TRMT10B: variants seen among roughly 807,000 people sequenced by gnomAD.
TRMT10B encodes tRNA methyltransferase 10 homolog B.
TRMT10B carries 33 observed loss-of-function variants against 43.8 expected under a neutral mutation model. The ratio of observed to expected loss-of-function variants is 0.75; its 90% CI spans 0.57 to 1.01. The LOEUF is 1.01. TRMT10B is among the 50% of genes least tolerant of loss of function. The probability of loss-of-function intolerance (pLI) is 0.00; values close to 1 mark genes in which losing one functional copy is unlikely to be tolerated. For missense variants in TRMT10B, 362 were observed against 369.8 expected (o/e 0.98, Z 0.17); for synonymous variants, 137 against 130.6 (o/e 1.05, Z -0.34).
chr9:37,770,459 G>T (rs569328197), intron 6 of TRMT10B, among the ~76,000 whole-genome samples: 13 of 152,054 alleles, frequency 8.5e-5, no homozygotes, highest in South Asian at 2.1e-4. Flanking sequence ...TGTTGATTTG[G>T]GTCTGCTACC....
rs773039356 is a variant in TRMT10B, at chr9:37,771,391, T to C, written c.720+652T>C. 2.1e-4 allele frequency among the ~76,000 whole-genome samples: 32 copies of C among 152,340 alleles called. No homozygotes were observed. In the East Asian group the frequency reaches 2.3e-3, roughly 11 times the overall value. ...GTCAAGTTTTCTTGTGTATCCTTCT[T>C]TGAGACATTATATGATCACAAAGTA... On this transcript the variant is annotated intron_variant, in intron 7 of 8. Coordinates refer to ENST00000297994, the MANE Select transcript of TRMT10B (RefSeq NM_144964.4).
intron 5 of TRMT10B, 99 bp downstream of exon 5, chr9:37,768,327 T>A (rs1007118738): frequency 7.5e-7 from 1 of 1,333,036 alleles, no homozygotes; most frequent in Admixed American, 2.4e-5. Flanking sequence ...ACATTTTCAG[T>A]ATTGAAGTCT....
At chr9:37,762,411 G>C in intron 2 of TRMT10B, 166 bp from the exon 3 acceptor site, 1 of 1,080,786 alleles carries the variant, frequency 9.3e-7, no homozygotes, top group Non-Finnish European at 1.3e-6. Flanking sequence ...CTGGGGCTCT[G>C]TTTTCTCTAA....
At position 37,770,145 on chromosome 9, in the gene TRMT10B, A is replaced by G. The variant is rs1013977841; in HGVS notation, c.652+126A>G. ...CCCACCCCCACAAAAAGTAATGCAC[A>G]TGAGCAGTGCTCCTCTTACAGGCAG... On this transcript the variant is annotated intron_variant, in intron 6 of 8. Coordinates refer to ENST00000297994, the MANE Select transcript of TRMT10B (RefSeq NM_144964.4). 13 of 825,976 alleles carry G rather than the reference A, an allele frequency of 1.6e-5. No individual in the cohort carries two copies. In the African/African-American group the frequency reaches 1.8e-4, roughly 12 times the overall value. The allele number at this position is 825,976 out of a possible 1,614,324, so 51.2% of individuals were successfully genotyped here. A position where few individuals can be genotyped will look rare whatever the true frequency, so the allele number is the denominator to read the frequency against.
At chr9:37,755,152 GT>G (rs1465947279) in intron 1 of TRMT10B, among the ~76,000 whole-genome samples, 3 of 152,182 alleles carry the variant, frequency 2.0e-5, no homozygotes, top group Non-Finnish European at 4.4e-5. Flanking sequence ...GGTGCCTGTA[GT>G]CCCAGCTACT....
At chr9:37,768,989 T>C (rs1396673377) in intron 5 of TRMT10B, among the ~76,000 whole-genome samples, 2 of 152,186 alleles carry the variant, frequency 1.3e-5, no homozygotes, top group Non-Finnish European at 2.9e-5. Context: ...CTTTGAGTTC[T>C]TCTCCTTTTG....
intron 1 of TRMT10B, among the ~76,000 whole-genome samples, chr9:37,758,568 GAA>G (rs1385459829): frequency 1.3e-5 from 2 of 151,634 alleles, no homozygotes; most frequent in African/African-American, 4.9e-5. Flanking sequence ...AACAGAGATA[GAA>G]ATATAAGGGT....
At chr9:37,755,111 A>T (rs948534210) in intron 1 of TRMT10B, among the ~76,000 whole-genome samples, 29 of 152,124 alleles carry the variant, frequency 1.9e-4, no homozygotes, top group Non-Finnish European at 3.7e-4. Context: ...TCTACTAAAA[A>T]TACAAAAAAA....
chr9:37,765,221 A>G (rs1826854604), intron 4 of TRMT10B, among the ~76,000 whole-genome samples: 1 of 152,098 alleles, frequency 6.6e-6, no homozygotes. Context: ...AGCATTAGGT[A>G]TATCTCCTAA....
At chr9:37,761,844 G>T in intron 1 of TRMT10B, 59 bp from the exon 2 acceptor site, 1 of 1,204,578 alleles carries the variant, frequency 8.3e-7, no homozygotes, top group East Asian at 2.4e-5. Context: ...TTTGGATGTA[G>T]GGAGATACCT....
chr9:37,765,755 CCTGA>C (rs1826920796), intron 4 of TRMT10B, among the ~76,000 whole-genome samples: 1 of 152,142 alleles, frequency 6.6e-6, no homozygotes, highest in Admixed American at 6.5e-5. Context: ...CCTGTTGTTT[CCTGA>C]CTTTTTAATG....
chr9:37,755,407 A>G (rs963991923), intron 1 of TRMT10B, among the ~76,000 whole-genome samples: 6 of 152,010 alleles, frequency 3.9e-5, no homozygotes, highest in Non-Finnish European at 7.4e-5. Context: ...AATGGTTAAA[A>G]TGGTAGTTCC....
At chr9:37,753,753 C>T (rs997786059), upstream of TRMT10B, 3 of 152,294 alleles carry the variant, frequency 2.0e-5, no homozygotes, top group East Asian at 1.9e-4. Flanking sequence ...CTACAATTTC[C>T]AGAATGCCAT....
rs371425124 is a variant in TRMT10B, at chr9:37,769,974, T to C, written c.607T>C (p.Phe203Leu). 1.4e-5 allele frequency: 23 copies of C among 1,614,076 alleles called. No individual in the cohort carries two copies. Among genetic ancestry groups the C allele is most frequent in the Non-Finnish European group, 1.9e-5 (22 of 1,180,020 alleles). ...DITEEDCFSL[F>L]PLETLVYLTP... ...AACAGAAGAAGACTGCTTTAGTTTA[T>C]TTCCCTTGGAAACCCTTGTGTACCT... The change falls in exon 6 of 9, where the codon TTT becomes CTT. Residue 203 changes from phenylalanine to leucine, a missense_variant. Phe to Leu is a conservative substitution (Grantham distance 22). Coordinates refer to ENST00000297994, the MANE Select transcript of TRMT10B (RefSeq NM_144964.4).
At chr9:37,753,050 C>T (rs558445144), upstream of TRMT10B, among the ~76,000 whole-genome samples, 14 of 148,594 alleles carry the variant, frequency 9.4e-5, no homozygotes, top group African/African-American at 1.7e-4. Context: ...TCTTGAGGCC[C>T]GTGTGACCAC....
Position 37,760,121 on chromosome 9 carries a change from T to C in TRMT10B, c.-29-1782T>C, listed in dbSNP as rs148579111. Among the ~76,000 whole-genome samples, 803 of 152,288 alleles carry C rather than the reference T, an allele frequency of 5.3e-3. 6 individuals are homozygous for C. The highest frequency in any genetic ancestry group is 0.018 in the African/African-American group (764 of 41,562). On this transcript the variant is annotated intron_variant, in intron 1 of 8. Transcript: ENST00000297994. ...TGGGCGGATCACCTGAGGTCAGGAA[T>C]TCAAGACCAGCCTGGCTAACATGGT...
At chr9:37,775,213 T>C (rs978838059) in intron 7 of TRMT10B, among the ~76,000 whole-genome samples, 1 of 152,242 alleles carries the variant, frequency 6.6e-6, no homozygotes, top group African/African-American at 2.4e-5. Flanking sequence ...ACATGGCCTC[T>C]TGGAGAAGTC....
At position 37,778,709 on chromosome 9, in the gene TRMT10B, C is replaced by A. The variant is rs1564010744; in HGVS notation, c.*1002C>A. The stretch of plus-strand genomic sequence containing the variant: ...CCTTGTCTGATCATGCTCGTTGTTG[C>A]CCAGCTCAGTAATAAGCTTTGCAGG... On this transcript the variant is annotated 3_prime_UTR_variant, in exon 9 of 9. Coordinates refer to ENST00000297994, the MANE Select transcript of TRMT10B (RefSeq NM_144964.4). 3 of 152,280 alleles carry A rather than the reference C, an allele frequency of 2.0e-5. No homozygotes were observed. The East Asian group carries it at 5.8e-4, about 29-fold the overall frequency. The allele number at this position is 152,280 out of a possible 1,614,324, so 9.4% of individuals were successfully genotyped here.
intron 5 of TRMT10B, among the ~76,000 whole-genome samples, chr9:37,768,759 G>C (rs1277970561): frequency 6.6e-6 from 1 of 152,212 alleles, no homozygotes; most frequent in African/African-American, 2.4e-5. Context: ...TCCCCAGGAA[G>C]GTCCATGGAA....
Sources: allele counts gnomAD v4.1 joint callset (sites outside exome capture counted in the v4.1 genomes callset), GRCh38; gene constraint gnomAD v4.1.1; transcripts MANE v1.5; gene names NCBI Gene and HGNC (gene_info 2026-07-23, HGNC 2026-07-21).